The following SOX6 variants were observed in gnomAD, a reference collection of about 807,000 sequenced individuals.
SOX6 encodes transcription factor SOX-6.
SOX6 carries 11 observed loss-of-function variants against 97.8 expected under a neutral mutation model. The observed-to-expected ratio is 0.11, with a 90% CI of 0.07 to 0.19. The LOEUF (loss-of-function observed/expected upper bound fraction) is 0.19. Ranked by LOEUF, SOX6 falls within the 10% of genes least tolerant of loss-of-function variation. SOX6 has a pLI of 1.00. For synonymous variants in SOX6, 360 were observed against 371.4 expected (o/e 0.97, Z 0.35); for missense variants, 810 against 1,039.5 (o/e 0.78, Z 3.04).
intron 1 of SOX6, among the ~76,000 whole-genome samples, chr11:16,392,870 T>C (rs1212287356): frequency 2.6e-5 from 4 of 152,150 alleles, no homozygotes; most frequent in African/African-American, 9.7e-5. Flanking sequence ...GTTTGTCCCT[T>C]AAGTTGACTC....
In SOX6 at chr11:15,979,480, T is replaced by C. The variant is rs1853599510; in HGVS notation, c.2184-6368A>G. On this transcript the variant is annotated intron_variant, in intron 15 of 15. Transcript: ENST00000683767. ...CCTAAGTCATATGAAAGCATTCCTC[T>C]GCTTAAAACTCATCAATGCCTTTCC... Among the ~76,000 whole-genome samples the C allele has an allele frequency of 2.0e-5, 3 of 152,132 alleles. No individual in the cohort carries two copies. In the South Asian group the frequency reaches 6.2e-4, roughly 31 times the overall value.
intron 12 of SOX6, among the ~76,000 whole-genome samples, chr11:16,038,689 T>A (rs554002458): frequency 6.6e-6 from 1 of 152,306 alleles, no homozygotes; most frequent in South Asian, 2.1e-4. Context: ...TCTAATACTA[T>A]GCTTTGTATA....
chr11:15,989,309 G>C, intron 13 of SOX6, 79 bp from the exon 14 acceptor site: 5 of 1,236,954 alleles, frequency 4.0e-6, no homozygotes, highest in Non-Finnish European at 5.6e-6. Flanking sequence ...TGCCGCCTGG[G>C]TCAGCTGTTT....
chr11:16,533,180 A>G (rs1463405034), intron 4 of SOX6, among the ~76,000 whole-genome samples: 1 of 151,980 alleles, frequency 6.6e-6, no homozygotes, highest in Non-Finnish European at 1.5e-5. Flanking sequence ...TCAGCAAAGA[A>G]ATCATTAAAA....
chr11:16,591,094 TA>T (rs1447435320), intron 4 of SOX6, among the ~76,000 whole-genome samples: 1 of 152,050 alleles, frequency 6.6e-6, no homozygotes, highest in Non-Finnish European at 1.5e-5. Flanking sequence ...AAATTAATTT[TA>T]AAAAGGTCTG....
chr11:15,983,458 G>T (rs983673020), intron 15 of SOX6, among the ~76,000 whole-genome samples: 5 of 152,008 alleles, frequency 3.3e-5, no homozygotes, highest in African/African-American at 1.2e-4. Flanking sequence ...TGAAAGTTAT[G>T]CATGTCTTTT....
chr11:16,307,521 T>G (rs1342290960), intron 3 of SOX6, among the ~76,000 whole-genome samples: 1 of 152,156 alleles, frequency 6.6e-6, no homozygotes, highest in East Asian at 1.9e-4. Flanking sequence ...TCTTAAATTT[T>G]CCATCTCTCC....
chr11:16,263,833 T>C (rs1302036685), intron 3 of SOX6, among the ~76,000 whole-genome samples: 1 of 151,902 alleles, frequency 6.6e-6, no homozygotes, highest in Non-Finnish European at 1.5e-5. Context: ...AGTCCTCAAA[T>C]GTTAACAGTT....
chr11:16,628,223 A>G (rs1292527661), intron 3 of SOX6, among the ~76,000 whole-genome samples: 2 of 152,146 alleles, frequency 1.3e-5, no homozygotes, highest in African/African-American at 2.4e-5. Context: ...GAAGTCAGGT[A>G]ATGTGATGCC....
In SOX6 at chr11:16,341,453, C is replaced by G. The variant is rs376623565; in HGVS notation, c.-4-201G>C. Among the ~76,000 whole-genome samples, 38 of 152,140 alleles carry G rather than the reference C, an allele frequency of 2.5e-4. 2 individuals are homozygous for G. The highest frequency in any genetic ancestry group is 8.9e-4 in the African/African-American group (37 of 41,540). Reference sequence around the variant, plus strand: ...TGCTTTTAACTCAGCAAACCTCTTCCCAGTAATTACTGCATATTTTCTCTC... The same window carrying G: ...TGCTTTTAACTCAGCAAACCTCTTCGCAGTAATTACTGCATATTTTCTCTC... On this transcript the variant is annotated intron_variant, in intron 1 of 15. Transcript: ENST00000683767.
intron 2 of SOX6, among the ~76,000 whole-genome samples, chr11:16,336,981 A>T (rs1856481624): frequency 6.6e-6 from 1 of 152,104 alleles, no homozygotes; most frequent in Non-Finnish European, 1.5e-5. Context: ...ACATGTTCTT[A>T]CTTAATTTTC....
At chr11:16,692,741 T>C (rs1218011479) in intron 3 of SOX6, among the ~76,000 whole-genome samples, 1 of 152,326 alleles carries the variant, frequency 6.6e-6, no homozygotes, top group Non-Finnish European at 1.5e-5. Context: ...CACACACACA[T>C]TGTTTTTTCT....
chr11:16,603,526 A>T (rs1450295594), intron 4 of SOX6, among the ~76,000 whole-genome samples: 3 of 151,954 alleles, frequency 2.0e-5, no homozygotes, highest in Non-Finnish European at 4.4e-5. Flanking sequence ...GACCTTTGGG[A>T]GTGGGGGTGG....
At chr11:16,706,469 AAAATATATATATATATATATATAT>A (rs1564873501) in intron 3 of SOX6, among the ~76,000 whole-genome samples, 5 of 27,016 alleles carry the variant, frequency 1.9e-4, no homozygotes, top group African/African-American at 8.5e-4. Flanking sequence ...AAAAAAAAAA[AAAATATATATATATATATATATAT>A]ATATATATAT....
At chr11:16,347,420 A>G (rs1010545744) in intron 1 of SOX6, among the ~76,000 whole-genome samples, 3 of 152,134 alleles carry the variant, frequency 2.0e-5, no homozygotes, top group African/African-American at 7.2e-5. Flanking sequence ...AAAACCTAAC[A>G]ATGGCTACTA....
chr11:16,094,539 G>C (rs1848754719), intron 9 of SOX6, among the ~76,000 whole-genome samples: 2 of 151,894 alleles, frequency 1.3e-5, no homozygotes, highest in Admixed American at 1.3e-4. Flanking sequence ...TTTGAGCCAA[G>C]GCTACCTAAT....
chr11:16,502,743 C>G (rs1860727392), intron 4 of SOX6, among the ~76,000 whole-genome samples: 1 of 152,112 alleles, frequency 6.6e-6, no homozygotes, highest in Non-Finnish European at 1.5e-5. Flanking sequence ...ACCTAATATT[C>G]AAATTTTCAG....
intron 4 of SOX6, among the ~76,000 whole-genome samples, chr11:16,491,500 A>ATGTG (rs34737280): frequency 1.3e-5 from 2 of 150,396 alleles, no homozygotes; most frequent in Admixed American, 1.3e-4. Context: ...CCAACAGTCT[A>ATGTG]TGTGTGTGTG....
At chr11:16,599,437 TAC>T (rs1848244621) in intron 4 of SOX6, among the ~76,000 whole-genome samples, 1 of 152,196 alleles carries the variant, frequency 6.6e-6, no homozygotes, top group Non-Finnish European at 1.5e-5. Flanking sequence ...CCCAAATAGT[TAC>T]AGTCTAAAAT....
Sources: gnomAD v4.1 joint callset for allele counts (sites outside exome capture counted in the v4.1 genomes callset) on GRCh38, gnomAD v4.1.1 for gene constraint, MANE v1.5 for transcripts, NCBI Gene and HGNC (gene_info 2026-07-23, HGNC 2026-07-21) for gene names.